Variants in CCDC18 observed in about 807,000 individuals in gnomAD.
The protein encoded by CCDC18 is coiled-coil domain-containing protein 18.
In CCDC18, 157 loss-of-function variants were observed where a neutral mutation model predicts 196.0. The ratio of observed to expected loss-of-function variants is 0.80; its 90% CI spans 0.70 to 0.91. The LOEUF is 0.91. CCDC18 is among the 40% of genes least tolerant of loss of function. The pLI, the probability that CCDC18 is intolerant of heterozygous loss-of-function variation, is 0.00. For synonymous variants in CCDC18, 482 were observed against 529.2 expected, an observed-to-expected ratio of 0.91 and a Z score of 1.22; for missense variants, 1,465 against 1,611.6, an observed-to-expected ratio of 0.91 and a Z score of 1.56.
chr1:93,245,510 C>G (rs1041293833), intron 21 of CCDC18, among the ~76,000 whole-genome samples: 5 of 152,102 alleles, frequency 3.3e-5, no homozygotes, highest in East Asian at 1.9e-4. Context: ...AAATTATTCT[C>G]TGATCACAGG....
In CCDC18 at chr1:93,205,695, A is replaced by G. The variant is rs953365810; in HGVS notation, c.917+64A>G. 14 of 1,387,326 alleles carry G rather than the reference A, an allele frequency of 1.0e-5. No individual in the cohort carries two copies. The African/African-American group carries it at 1.9e-4, about 19-fold the overall frequency. 85.9% of individuals were successfully genotyped at this position (1,387,326 alleles called of 1,614,324 possible). ...ACATGGAAAAAACTGAAACACTTTA[A>G]AACACAATATTTTATTGTTGTAATT... On this transcript the variant is annotated intron_variant, in intron 8 of 28. Coordinates refer to ENST00000690025, the MANE Select transcript of CCDC18 (RefSeq NM_001378204.1).
intron 3 of CCDC18, among the ~76,000 whole-genome samples, chr1:93,185,370 C>T (rs1311196728): frequency 1.3e-5 from 2 of 151,886 alleles, no homozygotes; most frequent in East Asian, 1.9e-4. Context: ...TCTGGAAAAA[C>T]GATACTGTAG....
At chr1:93,248,329 A>G (rs889950217) in intron 23 of CCDC18, among the ~76,000 whole-genome samples, 1 of 151,990 alleles carries the variant, frequency 6.6e-6, no homozygotes, top group African/African-American at 2.4e-5. Flanking sequence ...TTTTCCTTCT[A>G]TACCCAATTT....
intron 27 of CCDC18, 117 bp downstream of exon 27, chr1:93,265,018 A>G (rs997210787): frequency 3.0e-5 from 20 of 658,852 alleles, no homozygotes; most frequent in Non-Finnish European, 4.3e-5. Context: ...CTGTTTGAAT[A>G]AAAACCATTT....
intron 28 of CCDC18, chr1:93,271,438 C>T: frequency 1.0e-6 from 1 of 985,176 alleles, no homozygotes; most frequent in Non-Finnish European, 1.2e-6. Flanking sequence ...ACTTTCAAGC[C>T]TTTAATATGC....
intron 3 of CCDC18, among the ~76,000 whole-genome samples, chr1:93,184,635 A>G (rs1650311970): frequency 1.3e-5 from 2 of 151,698 alleles, no homozygotes; most frequent in Non-Finnish European, 3.0e-5. Flanking sequence ...TCTATCACAT[A>G]TTTATCTCCC....
In CCDC18 at chr1:93,254,567, A is replaced by T; in HGVS notation, c.3295A>T (p.Lys1099Ter). ...AAATGAACAGGAGATAAGTCAACTG[A>T]AAAAAGAAATTGAAAGAACACAACA... ...LQNEQEISQL[K>*]KEIERTQQRM... Residue 1099 changes from lysine to a stop codon, truncating the protein, a stop_gained, in exon 24 of 29, where the codon AAA (lysine) becomes TAA (stop). Coordinates refer to ENST00000690025, the MANE Select transcript of CCDC18 (RefSeq NM_001378204.1). LOFTEE classifies it high-confidence loss of function. 1 of 1,610,634 alleles carries T rather than the reference A, an allele frequency of 6.2e-7. No individual in the cohort carries two copies. The highest frequency in any genetic ancestry group is 8.5e-7 in the Non-Finnish European group (1 of 1,178,274).
chr1:93,260,239 C>T (rs939875220), intron 26 of CCDC18, among the ~76,000 whole-genome samples: 1 of 152,120 alleles, frequency 6.6e-6, no homozygotes. Flanking sequence ...CAAAAATTAG[C>T]TGGGTGTGGT....
At chr1:93,245,847 G>A (rs907850780) in intron 21 of CCDC18, among the ~76,000 whole-genome samples, 4 of 151,984 alleles carry the variant, frequency 2.6e-5, no homozygotes, top group African/African-American at 4.8e-5. Flanking sequence ...GAGTGTTTTA[G>A]CAATTAGCTT....
intron 24 of CCDC18, among the ~76,000 whole-genome samples, chr1:93,255,692 C>T (rs1290256612): frequency 2.0e-5 from 3 of 151,626 alleles, no homozygotes; most frequent in Non-Finnish European, 2.9e-5. Context: ...TTTGTGATCA[C>T]GCCACTGCCC....
chr1:93,263,918 T>TG (rs1664147920), intron 26 of CCDC18, among the ~76,000 whole-genome samples: 1 of 152,070 alleles, frequency 6.6e-6, no homozygotes, highest in African/African-American at 2.4e-5. Flanking sequence ...CTTTTCCAGG[T>TG]GAAGGTGCAA....
chr1:93,254,611 G>C lies in CCDC18; in HGVS notation c.3339G>C (p.Glu1113Asp). The C allele has an allele frequency of 6.2e-7, 1 of 1,607,498 alleles. No homozygotes were observed. Among genetic ancestry groups the C allele is most frequent in the Non-Finnish European group, 8.5e-7 (1 of 1,177,880 alleles). The change falls in exon 24 of 29, where the codon GAG (glutamate) becomes GAC (aspartate). Residue 1113 changes from glutamate to aspartate, a missense_variant. Transcript: ENST00000690025. Reference protein sequence around the residue: ...ERTQQRMKEMESVMKEQEQYI... With the variant: ...ERTQQRMKEMDSVMKEQEQYI... ...CACAACAAAGGATGAAAGAAATGGAGAGTGTAAGCAAATTATTTCCACCTA... is the reference window on the plus strand; with the variant it reads ...CACAACAAAGGATGAAAGAAATGGACAGTGTAAGCAAATTATTTCCACCTA...
chr1:93,273,873 A>G (rs1428376231), intron 28 of CCDC18, among the ~76,000 whole-genome samples: 3 of 152,206 alleles, frequency 2.0e-5, no homozygotes, highest in Non-Finnish European at 2.9e-5. Context: ...CTTTACATAA[A>G]TTAACTCATT....
intron 11 of CCDC18, among the ~76,000 whole-genome samples, chr1:93,213,653 G>A (rs1348184877): frequency 6.6e-6 from 1 of 151,892 alleles, no homozygotes; most frequent in Non-Finnish European, 1.5e-5. Context: ...CCAAATATTT[G>A]GAGGTTTTTC....
At chr1:93,276,500 C>A (rs1043212976) in intron 28 of CCDC18, among the ~76,000 whole-genome samples, 1 of 151,984 alleles carries the variant, frequency 6.6e-6, no homozygotes, top group Admixed American at 6.6e-5. Flanking sequence ...ACTTCTATTT[C>A]TCTTATTTGT....
At chr1:93,226,543 A>G (rs1435747138) in intron 17 of CCDC18, 94 bp downstream of exon 17, 1 of 256,300 alleles carries the variant, frequency 3.9e-6, no homozygotes, top group Non-Finnish European at 7.1e-6. Context: ...ATATATATAT[A>G]TTTCTTTTGA....
At chr1:93,228,423 C>T (rs966335425) in intron 17 of CCDC18, among the ~76,000 whole-genome samples, 1 of 151,448 alleles carries the variant, frequency 6.6e-6, no homozygotes, top group Admixed American at 6.6e-5. Flanking sequence ...AGGGGAAAGC[C>T]ATAGGTAAAT....
chr1:93,274,445 CAGAT>C (rs1179165109), intron 28 of CCDC18, among the ~76,000 whole-genome samples: 2 of 152,020 alleles, frequency 1.3e-5, no homozygotes, highest in Non-Finnish European at 1.5e-5. Context: ...TACTACATAA[CAGAT>C]AGAATAATTT....
At position 93,195,150 on chromosome 1, in the gene CCDC18, C is replaced by T. The variant is rs182117452; in HGVS notation, c.698+1406C>T. 1.3e-4 allele frequency among the ~76,000 whole-genome samples: 20 copies of T among 152,192 alleles called. No homozygotes were observed. The East Asian group carries it at 2.3e-3, about 18-fold the overall frequency. On this transcript the variant is annotated intron_variant, in intron 6 of 28. Transcript: ENST00000690025. ...CCTCCCAAAGTGCTGGAATTACAGG[C>T]GTGAGCCACTGCGCCTGGCTAAATA...
Sources: allele counts gnomAD v4.1 joint callset (sites outside exome capture counted in the v4.1 genomes callset), GRCh38; gene constraint gnomAD v4.1.1; transcripts MANE v1.5; gene names NCBI Gene and HGNC (gene_info 2026-07-23, HGNC 2026-07-21).